The following DNM3 variants were observed in gnomAD, a reference collection of about 807,000 sequenced individuals.
The protein encoded by DNM3 is dynamin-3.
Under a neutral mutation model 101.6 loss-of-function variants are expected in DNM3, and 47 were observed. The ratio of observed to expected loss-of-function variants is 0.46; its 90% CI spans 0.37 to 0.59. The LOEUF is 0.59. Among genes scored for constraint, DNM3 ranks in the 20% least tolerant of loss-of-function variants. DNM3 has a pLI of 0.00. For missense variants in DNM3, 849 were observed against 1,085.7 expected, an observed-to-expected ratio of 0.78 and a Z score of 3.06; for synonymous variants, 385 against 387.9, an observed-to-expected ratio of 0.99 and a Z score of 0.09.
At chr1:172,415,719 G>A (rs545071018), downstream of DNM3, among the ~76,000 whole-genome samples, 2 of 151,728 alleles carry the variant, frequency 1.3e-5, no homozygotes, top group Admixed American at 6.6e-5. Context: ...TAGTAGAGAC[G>A]GCATTTCACC....
At chr1:172,132,998 C>T in intron 14 of DNM3, 2 of 1,527,500 alleles carry the variant, frequency 1.3e-6, no homozygotes, top group Non-Finnish European at 1.8e-6. Context: ...ATGCTTTCAA[C>T]CACAAATAAA....
At chr1:171,842,617 A>G (rs1282281924) in intron 1 of DNM3, among the ~76,000 whole-genome samples, 1 of 152,018 alleles carries the variant, frequency 6.6e-6, no homozygotes, top group Non-Finnish European at 1.5e-5. Flanking sequence ...ACTGACCAGC[A>G]TCTTTCTCGC....
chr1:172,143,732 CAG>C (rs758724277), intron 14 of DNM3, among the ~76,000 whole-genome samples: 1 of 152,066 alleles, frequency 6.6e-6, no homozygotes, highest in Non-Finnish European at 1.5e-5. Flanking sequence ...AAATGTAAAA[CAG>C]ATATTTACAG....
Position 171,841,581 on chromosome 1 carries a change from G to A in DNM3, c.-76G>A. The A allele has an allele frequency of 8.5e-6, 13 of 1,535,582 alleles. No individual in the cohort carries two copies. Among genetic ancestry groups the A allele is most frequent in the Non-Finnish European group, 1.0e-5 (12 of 1,144,640 alleles). On this transcript the variant is annotated 5_prime_UTR_variant, in exon 1 of 21. Coordinates refer to ENST00000627582, the MANE Select transcript of DNM3 (RefSeq NM_015569.5). ...GAGCCCGGCGCAGCAGCAGCAGCCA[G>A]GGCAGCGCGGCCCCTACTCCCTGTC...
intron 10 of DNM3, among the ~76,000 whole-genome samples, chr1:172,055,991 T>A (rs1457401429): frequency 2.0e-5 from 3 of 152,160 alleles, no homozygotes; most frequent in Non-Finnish European, 4.4e-5. Flanking sequence ...GCGTGCACCG[T>A]GCACGAGCCG....
chr1:172,097,353 T>C (rs2054314544), intron 13 of DNM3, among the ~76,000 whole-genome samples: 1 of 150,914 alleles, frequency 6.6e-6, no homozygotes, highest in African/African-American at 2.4e-5. Context: ...TGAGCCAAGA[T>C]CACACCACTG....
At chr1:172,332,814 G>T (rs998360009) in intron 17 of DNM3, among the ~76,000 whole-genome samples, 1 of 152,212 alleles carries the variant, frequency 6.6e-6, no homozygotes, top group African/African-American at 2.4e-5. Context: ...TGGACAGGAA[G>T]TACAATCCTG....
chr1:172,013,481 A>G (rs930784739), intron 4 of DNM3, among the ~76,000 whole-genome samples: 2 of 152,086 alleles, frequency 1.3e-5, no homozygotes, highest in South Asian at 4.1e-4. Flanking sequence ...ATAGCTTAGA[A>G]TATATATGTA....
intron 17 of DNM3, among the ~76,000 whole-genome samples, chr1:172,346,830 G>T (rs1055101352): frequency 6.6e-6 from 1 of 152,156 alleles, no homozygotes; most frequent in East Asian, 1.9e-4. Context: ...CCTCCATCAT[G>T]GTGGCCAAAT....
chr1:171,997,334 G>A (rs2046065591), intron 4 of DNM3, among the ~76,000 whole-genome samples: 1 of 152,098 alleles, frequency 6.6e-6, no homozygotes, highest in African/African-American at 2.4e-5. Flanking sequence ...TCTGCAAATG[G>A]CTAGATTAAC....
chr1:172,111,434 G>A (rs1166246768), intron 13 of DNM3, among the ~76,000 whole-genome samples: 1 of 152,206 alleles, frequency 6.6e-6, no homozygotes, highest in East Asian at 1.9e-4. Context: ...CTTCACTGAT[G>A]CCAGACATTC....
chr1:172,205,536 A>G (rs1484420594), intron 14 of DNM3, among the ~76,000 whole-genome samples: 3 of 152,152 alleles, frequency 2.0e-5, no homozygotes, highest in Non-Finnish European at 4.4e-5. Context: ...CTTATATGTT[A>G]TCCTAAGTGA....
At position 172,308,720 on chromosome 1, in the gene DNM3, A is replaced by G. The variant is rs372034758; in HGVS notation, c.1770-8A>G. The G allele has an allele frequency of 4.2e-5, 62 of 1,472,214 alleles. No individual in the cohort carries two copies. The highest frequency in any genetic ancestry group is 5.3e-5 in the Non-Finnish European group (58 of 1,099,016). 91.2% of individuals were successfully genotyped at this position (1,472,214 alleles called of 1,614,324 possible). A position where few individuals can be genotyped will look rare whatever the true frequency, so the allele number is the denominator to read the frequency against. On this transcript the variant is annotated splice_region_variant and splice_polypyrimidine_tract_variant and intron_variant, in intron 15 of 20. Transcript: ENST00000627582. ...TAAAAGCATGATTTTTTTTTTTTTTAACTCCAGGAATGTATACAAAGACTA... is the reference window on the plus strand; with the variant it reads ...TAAAAGCATGATTTTTTTTTTTTTTGACTCCAGGAATGTATACAAAGACTA...
At chr1:172,131,346 C>T (rs2056925750) in intron 14 of DNM3, 58 bp downstream of exon 14, 6 of 1,440,930 alleles carry the variant, frequency 4.2e-6, no homozygotes, top group Non-Finnish European at 4.8e-6. Flanking sequence ...TTTAAATTAA[C>T]TGATATTATT....
intron 1 of DNM3, among the ~76,000 whole-genome samples, chr1:171,914,926 G>A (rs2039596924): frequency 2.6e-5 from 4 of 151,952 alleles, no homozygotes; most frequent in Admixed American, 2.6e-4. Context: ...TGTGGGGGTG[G>A]GGGGACCTCG....
chr1:172,080,849 G>A (rs1348239251), intron 11 of DNM3, among the ~76,000 whole-genome samples: 1 of 152,180 alleles, frequency 6.6e-6, no homozygotes, highest in Non-Finnish European at 1.5e-5. Flanking sequence ...TCACAGCACA[G>A]TCAGTCATGG....
At position 171,987,233 on chromosome 1, in the gene DNM3, A is replaced by T. The variant is rs189276375; in HGVS notation, c.236-423A>T. 304 of 870,902 alleles carry T rather than the reference A, an allele frequency of 3.5e-4. 1 individual carries two copies. The highest frequency in any genetic ancestry group is 3.5e-3 in the Middle Eastern group (6 of 1,720). 53.9% of individuals were successfully genotyped at this position (870,902 alleles called of 1,614,324 possible). On this transcript the variant is annotated intron_variant, in intron 2 of 20. Coordinates refer to ENST00000627582, the MANE Select transcript of DNM3 (RefSeq NM_015569.5). ...CCTTAACTTATTTTGCCTTCTGAAGATATATTTATATAACTTGGCATTCCA... is the reference window on the plus strand; with the variant it reads ...CCTTAACTTATTTTGCCTTCTGAAGTTATATTTATATAACTTGGCATTCCA...
chr1:172,232,313 G>A (rs184577529), intron 14 of DNM3, among the ~76,000 whole-genome samples: 1 of 152,198 alleles, frequency 6.6e-6, no homozygotes, highest in African/African-American at 2.4e-5. Flanking sequence ...AATGGTAAAG[G>A]GATCAATTCA....
intron 2 of DNM3, among the ~76,000 whole-genome samples, chr1:171,976,580 A>G (rs1182410119): frequency 6.6e-6 from 1 of 152,156 alleles, no homozygotes; most frequent in East Asian, 1.9e-4. Context: ...GAATTATGGG[A>G]GCTACAATTC....
Sources: gnomAD v4.1 joint callset for allele counts (sites outside exome capture counted in the v4.1 genomes callset) on GRCh38, gnomAD v4.1.1 for gene constraint, MANE v1.5 for transcripts, NCBI Gene and HGNC (gene_info 2026-07-23, HGNC 2026-07-21) for gene names.